CDH8: variants seen among roughly 807,000 people sequenced by gnomAD.
CDH8 encodes cadherin-8.
A neutral mutation model predicts 68.1 loss-of-function variants in CDH8; 17 were observed. That is an observed-to-expected ratio of 0.25 (90% CI 0.17 to 0.37). The LOEUF is 0.37. Among genes scored for constraint, CDH8 ranks in the 10% least tolerant of loss-of-function variants. The pLI is 1.00. For synonymous variants in CDH8, 372 were observed against 365.1 expected, an observed-to-expected ratio of 1.02 and a Z score of -0.21; for missense variants, 763 against 999.3, an observed-to-expected ratio of 0.76 and a Z score of 3.19.
At chr16:61,952,029 G>A (rs1368734271) in intron 2 of CDH8, among the ~76,000 whole-genome samples, 2 of 152,194 alleles carry the variant, frequency 1.3e-5, no homozygotes, top group African/African-American at 2.4e-5. Flanking sequence ...ATCGAAGACA[G>A]TGGCCATGTC....
intron 4 of CDH8, among the ~76,000 whole-genome samples, chr16:61,833,373 T>C (rs531531800): frequency 7.2e-5 from 11 of 151,910 alleles, no homozygotes; most frequent in African/African-American, 2.6e-4. Flanking sequence ...ATGCATGTTT[T>C]CTACTTAGGC....
chr16:61,871,683 C>T (rs1047229312), intron 3 of CDH8, among the ~76,000 whole-genome samples: 1 of 150,808 alleles, frequency 6.6e-6, no homozygotes, highest in Middle Eastern at 3.4e-3. Context: ...ACAACAACAA[C>T]AAAAAGCTAA....
intron 4 of CDH8, among the ~76,000 whole-genome samples, chr16:61,855,428 A>T (rs1418518889): frequency 6.6e-6 from 1 of 152,064 alleles, no homozygotes; most frequent in Non-Finnish European, 1.5e-5. Flanking sequence ...TGCTACCTTT[A>T]TTTATGGTGG....
chr16:62,030,737 G>A (rs1902305435), intron 1 of CDH8, among the ~76,000 whole-genome samples: 3 of 152,210 alleles, frequency 2.0e-5, no homozygotes, highest in Middle Eastern at 6.8e-3. Context: ...ATAAAAAAGA[G>A]TAAGGGGATT....
chr16:61,724,393 G>A lies in CDH8; in HGVS notation c.1536+2701C>T, dbSNP rs569377173. Among the ~76,000 whole-genome samples, 5 of 150,850 alleles carry A rather than the reference G, an allele frequency of 3.3e-5. 1 individual carries two copies. The South Asian group carries it at 1.0e-3, about 31-fold the overall frequency. ...AAAAAATATAAAGCACAATAGAATT[G>A]TCTATGCTCATGTTGATACTCGTTT... On this transcript the variant is annotated intron_variant, in intron 9 of 11. Transcript: ENST00000577390.
intron 8 of CDH8, among the ~76,000 whole-genome samples, chr16:61,732,780 T>C (rs1354521750): frequency 2.0e-5 from 3 of 151,846 alleles, no homozygotes; most frequent in Non-Finnish European, 4.4e-5. Context: ...CATAATTGCA[T>C]AAAACTCTAT....
intron 10 of CDH8, among the ~76,000 whole-genome samples, chr16:61,660,023 A>G (rs900135149): frequency 1.3e-5 from 2 of 152,170 alleles, no homozygotes; most frequent in African/African-American, 4.8e-5. Flanking sequence ...GCCCTGCCCA[A>G]ACAATTGTAA....
chr16:61,813,524 G>C (rs1962001084), intron 7 of CDH8, among the ~76,000 whole-genome samples: 1 of 152,188 alleles, frequency 6.6e-6, no homozygotes, highest in Admixed American at 6.5e-5. Flanking sequence ...CTGGCCCAGG[G>C]CTGTGTCTGA....
At chr16:61,662,924 T>G (rs1373255552) in intron 10 of CDH8, among the ~76,000 whole-genome samples, 13 of 151,990 alleles carry the variant, frequency 8.6e-5, no homozygotes, top group Non-Finnish European at 1.5e-5. Context: ...CTCATTCTTT[T>G]GTAATGCTTT....
intron 2 of CDH8, among the ~76,000 whole-genome samples, chr16:61,918,974 C>T (rs548585896): frequency 1.6e-4 from 24 of 147,714 alleles, no homozygotes; most frequent in Admixed American, 2.8e-4. Flanking sequence ...GATCTGAGAA[C>T]CGGCAGACTG....
intron 2 of CDH8, among the ~76,000 whole-genome samples, chr16:61,990,884 AGAAG>A (rs1003370698): frequency 1.3e-5 from 2 of 150,602 alleles, no homozygotes; most frequent in Admixed American, 6.6e-5. Flanking sequence ...AAGGAAGGAA[AGAAG>A]GAAGGAGAAG....
intron 9 of CDH8, chr16:61,725,037 A>G (rs1461339145): frequency 2.0e-5 from 3 of 150,878 alleles, no homozygotes; most frequent in African/African-American, 7.3e-5. Context: ...AATGTTGTTA[A>G]GTCATCAAAG....
intron 2 of CDH8, among the ~76,000 whole-genome samples, chr16:61,951,235 G>A (rs2143585654): frequency 6.6e-6 from 1 of 152,086 alleles, no homozygotes; most frequent in East Asian, 1.9e-4. Flanking sequence ...ATATGGGCCG[G>A]GCATGGTGGC....
At chr16:61,936,177 T>C (rs557210620) in intron 2 of CDH8, among the ~76,000 whole-genome samples, 1 of 152,276 alleles carries the variant, frequency 6.6e-6, no homozygotes, top group East Asian at 1.9e-4. Context: ...ACTCAAGGGA[T>C]ATACTTACAT....
chr16:61,753,134 G>T (rs1372048278), intron 8 of CDH8, among the ~76,000 whole-genome samples: 2 of 152,030 alleles, frequency 1.3e-5, no homozygotes, highest in African/African-American at 4.8e-5. Flanking sequence ...CTAACATCTT[G>T]TGTAGTTTTG....
rs187984652 is a variant in CDH8 at position 62,034,328 on chromosome 16, G to A, written c.-200+1752C>T. Among the ~76,000 whole-genome samples the A allele has an allele frequency of 2.4e-3, 372 of 152,312 alleles. 1 individual carries two copies. Among genetic ancestry groups the A allele is most frequent in the South Asian group, 4.6e-3 (22 of 4,826 alleles). On this transcript the variant is annotated intron_variant, in intron 1 of 11. Coordinates refer to ENST00000577390, the MANE Select transcript of CDH8 (RefSeq NM_001796.5). ...CGACAGGGCTCACTTTGCATGCAGT[G>A]AGGTGCAGCAGCGAGGCTGAATGGA...
chr16:61,801,308 A>G (rs541340551), intron 7 of CDH8, among the ~76,000 whole-genome samples: 2 of 152,212 alleles, frequency 1.3e-5, no homozygotes, highest in African/African-American at 2.4e-5. Context: ...ACTTGCCACT[A>G]TGAGGTTTGC....
At chr16:61,832,241 G>C (rs1358685935) in intron 4 of CDH8, among the ~76,000 whole-genome samples, 1 of 151,462 alleles carries the variant, frequency 6.6e-6, no homozygotes, top group East Asian at 1.9e-4. Context: ...CCTCCATAAG[G>C]CTCAAAGAAA....
intron 9 of CDH8, 162 bp downstream of exon 9, chr16:61,726,932 G>A (rs1223949094): frequency 5.5e-6 from 4 of 722,750 alleles, no homozygotes; most frequent in Non-Finnish European, 9.1e-6. Context: ...AATAACATCT[G>A]ATGGAGAAAA....
Sources: allele counts gnomAD v4.1 joint callset (sites outside exome capture counted in the v4.1 genomes callset), GRCh38; gene constraint gnomAD v4.1.1; transcripts MANE v1.5; gene names NCBI Gene and HGNC (gene_info 2026-07-23, HGNC 2026-07-21).